KIAA0040: variants seen among roughly 807,000 people sequenced by gnomAD.
KIAA0040 encodes KIAA0040.
KIAA0040 carries 10 observed loss-of-function variants against 7.2 expected under a neutral mutation model. That is an observed-to-expected ratio of 1.38 (90% confidence interval 0.85 to 2.34). The LOEUF is 2.34. Ranked by LOEUF, KIAA0040 falls within the 30% of genes most tolerant of loss-of-function variation. KIAA0040 has a pLI of 0.00. For synonymous variants in KIAA0040, 49 were observed against 40.1 expected (o/e 1.22, Z -0.84); for missense variants, 89 against 108.2 (o/e 0.82, Z 0.79).
chr1:175,174,447 C>T (rs1467345193), intron 2 of KIAA0040, among the ~76,000 whole-genome samples: 1 of 152,200 alleles, frequency 6.6e-6, no homozygotes, highest in Non-Finnish European at 1.5e-5. Flanking sequence ...GGCCTTTGAC[C>T]TTGGGCAAAA....
intron 2 of KIAA0040, among the ~76,000 whole-genome samples, chr1:175,176,669 C>CTTTTTTTTTTTTTTTTTTTTTTTTTT (rs34859478): frequency 7.3e-5 from 2 of 27,466 alleles, no homozygotes; most frequent in African/African-American, 1.7e-4. Context: ...AAGTAGCATG[C>CTTTTTTTTTTTTTTTTTTTTTTTTTT]TTTTTTTTTT....
chr1:175,190,415 A>T (rs1192310884), intron 1 of KIAA0040, among the ~76,000 whole-genome samples: 2 of 152,150 alleles, frequency 1.3e-5, no homozygotes, highest in Non-Finnish European at 2.9e-5. Context: ...TGTATACCCA[A>T]CTGCTTATCT....
At chr1:175,190,935 A>G (rs1677843867) in intron 1 of KIAA0040, among the ~76,000 whole-genome samples, 1 of 152,194 alleles carries the variant, frequency 6.6e-6, no homozygotes, top group South Asian at 2.1e-4. Flanking sequence ...TGTTCAAAAC[A>G]CACTTTCCCT....
At chr1:175,162,728 C>T (rs1344092998) in intron 3 of KIAA0040, among the ~76,000 whole-genome samples, 1 of 152,184 alleles carries the variant, frequency 6.6e-6, no homozygotes, top group Non-Finnish European at 1.5e-5. Flanking sequence ...ATCAATGTCT[C>T]ATGATCCCAG....
At chr1:175,170,849 G>A (rs1182305128) in intron 2 of KIAA0040, among the ~76,000 whole-genome samples, 1 of 151,384 alleles carries the variant, frequency 6.6e-6, no homozygotes, top group Admixed American at 6.6e-5. Context: ...CCCTGCTCAC[G>A]CCTCATGGCT....
intron 3 of KIAA0040, among the ~76,000 whole-genome samples, chr1:175,161,351 T>C (rs1469069222): frequency 1.3e-5 from 2 of 152,224 alleles, no homozygotes; most frequent in Non-Finnish European, 1.5e-5. Flanking sequence ...ACACACATTA[T>C]ATTGGGCTTA....
intron 1 of KIAA0040, among the ~76,000 whole-genome samples, chr1:175,178,910 G>A (rs956302199): frequency 6.7e-6 from 1 of 149,324 alleles, no homozygotes; most frequent in East Asian, 2.0e-4. Flanking sequence ...CAAAATGCAG[G>A]TACTATTAGA....
At chr1:175,178,847 T>C (rs970669658) in intron 1 of KIAA0040, among the ~76,000 whole-genome samples, 26 of 151,984 alleles carry the variant, frequency 1.7e-4, no homozygotes, top group African/African-American at 5.3e-4. Context: ...CCTGCAAAGT[T>C]GAATTTTCAA....
In KIAA0040 at chr1:175,160,596, T is replaced by G; in HGVS notation, c.*118A>C. The G allele has an allele frequency of 2.9e-6, 3 of 1,018,358 alleles. No homozygotes were observed. The highest frequency in any genetic ancestry group is 4.2e-6 in the Non-Finnish European group (3 of 717,040). 63.1% of individuals were successfully genotyped at this position (1,018,358 alleles called of 1,614,324 possible). ...CTTAGTCTGAGGTTTGTTCCTTGGTTGAGTAGTTACTCTGTGGACATGGAC... is the reference window on the plus strand; with the variant it reads ...CTTAGTCTGAGGTTTGTTCCTTGGTGGAGTAGTTACTCTGTGGACATGGAC... On this transcript the variant is annotated 3_prime_UTR_variant, in exon 4 of 4. Coordinates refer to ENST00000423313, the MANE Select transcript of KIAA0040 (RefSeq NM_014656.3).
At chr1:175,188,768 C>T (rs929864596) in intron 1 of KIAA0040, among the ~76,000 whole-genome samples, 1 of 152,156 alleles carries the variant, frequency 6.6e-6, no homozygotes, top group Non-Finnish European at 1.5e-5. Flanking sequence ...ATGGAGGTTG[C>T]CTTAAAAGTT....
At chr1:175,173,898 T>C (rs1260134620) in intron 2 of KIAA0040, among the ~76,000 whole-genome samples, 20 of 152,240 alleles carry the variant, frequency 1.3e-4, no homozygotes, top group Non-Finnish European at 2.9e-5. Flanking sequence ...CTTTGTATTA[T>C]TTTTCTGCTT....
intron 2 of KIAA0040, among the ~76,000 whole-genome samples, chr1:175,171,293 C>T (rs962434232): frequency 3.3e-5 from 5 of 152,180 alleles, no homozygotes; most frequent in Non-Finnish European, 7.3e-5. Flanking sequence ...GCTGCTGTCA[C>T]GCTGGTTTCC....
chr1:175,165,624 G>A (rs377405918), intron 3 of KIAA0040, among the ~76,000 whole-genome samples: 3 of 152,328 alleles, frequency 2.0e-5, no homozygotes, highest in African/African-American at 7.2e-5. Flanking sequence ...GAGAGCGGTC[G>A]CTTGGGGAAC....
intron 2 of KIAA0040, among the ~76,000 whole-genome samples, chr1:175,171,941 G>A (rs995019777): frequency 1.3e-5 from 2 of 152,156 alleles, no homozygotes; most frequent in African/African-American, 4.8e-5. Flanking sequence ...ATCCTCTCTT[G>A]TCTCAAGGAT....
intron 1 of KIAA0040, among the ~76,000 whole-genome samples, chr1:175,185,616 A>G (rs1424096456): frequency 6.6e-6 from 1 of 152,336 alleles, no homozygotes; most frequent in East Asian, 1.9e-4. Flanking sequence ...GATAAAAATG[A>G]GGGGAAAGGA....
At chr1:175,165,327 A>T (rs1329468670) in intron 3 of KIAA0040, among the ~76,000 whole-genome samples, 1 of 152,192 alleles carries the variant, frequency 6.6e-6, no homozygotes, top group Admixed American at 6.5e-5. Context: ...TCATAATGAC[A>T]TTGTGGGGAT....
intron 1 of KIAA0040, among the ~76,000 whole-genome samples, chr1:175,188,143 C>T (rs1370767746): frequency 6.6e-6 from 1 of 152,188 alleles, no homozygotes; most frequent in Non-Finnish European, 1.5e-5. Flanking sequence ...GGCTTGCTCA[C>T]AATCGTGGGA....
intron 1 of KIAA0040, among the ~76,000 whole-genome samples, chr1:175,191,266 T>C (rs555518721): frequency 6.6e-6 from 1 of 152,344 alleles, no homozygotes; most frequent in South Asian, 2.1e-4. Context: ...TTTGGTGAAA[T>C]CAATAACTTA....
In KIAA0040 at chr1:175,160,977, C is replaced by T; in HGVS notation, c.37G>A (p.Asp13Asn). The change falls in exon 4 of 4, where the codon GAC (aspartate) becomes AAC (asparagine). Residue 13 changes from aspartate to asparagine, a missense_variant. Transcript: ENST00000423313. ...RISAFFSSIWDTILTKHQEGI... is the reference protein window; with the variant it reads ...RISAFFSSIWNTILTKHQEGI... ...TCTTGGTGTTTGGTCAAGATGGTGT[C>T]CCAGATAGAGCTGAAGAAGGCACTG... The T allele has an allele frequency of 1.3e-6, 2 of 1,551,348 alleles. No homozygotes were observed. The highest frequency in any genetic ancestry group is 1.4e-5 in the African/African-American group (1 of 73,116).
Sources: allele counts gnomAD v4.1 joint callset (sites outside exome capture counted in the v4.1 genomes callset), GRCh38; gene constraint gnomAD v4.1.1; transcripts MANE v1.5; gene names NCBI Gene and HGNC (gene_info 2026-07-23, HGNC 2026-07-21).